Variants in NR3C2 observed in about 807,000 individuals in gnomAD.
The protein encoded by NR3C2 is nuclear receptor subfamily 3 group C member 2, also known as mineralocorticoid receptor.
NR3C2 carries 15 observed loss-of-function variants against 86.4 expected under a neutral mutation model. The ratio of observed to expected loss-of-function variants is 0.17; its 90% CI spans 0.12 to 0.27. The LOEUF is 0.27. NR3C2 is among the 10% of genes least tolerant of loss of function. The pLI is 1.00. For missense variants in NR3C2, 960 were observed against 1,195.6 expected, an observed-to-expected ratio of 0.80 and a Z score of 2.91; for synonymous variants, 458 against 450.5, an observed-to-expected ratio of 1.02 and a Z score of -0.21.
intron 3 of NR3C2, among the ~76,000 whole-genome samples, chr4:148,229,236 G>T (rs150826722): frequency 3.3e-5 from 5 of 152,126 alleles, no homozygotes; most frequent in Non-Finnish European, 7.3e-5. Flanking sequence ...CGAAATTCAC[G>T]CCTTAGGCAC....
intron 3 of NR3C2, among the ~76,000 whole-genome samples, chr4:148,251,482 C>T (rs1303241158): frequency 6.6e-6 from 1 of 152,192 alleles, no homozygotes; most frequent in Non-Finnish European, 1.5e-5. Flanking sequence ...AGCTTCATGT[C>T]CTAGGACTCT....
intron 6 of NR3C2, among the ~76,000 whole-genome samples, chr4:148,127,979 T>TA (rs1254829053): frequency 6.6e-6 from 1 of 152,222 alleles, no homozygotes; most frequent in Non-Finnish European, 1.5e-5. Context: ...CACTTGGGAC[T>TA]AAAGTGAATA....
chr4:148,184,384 G>A (rs888185949), intron 4 of NR3C2, among the ~76,000 whole-genome samples: 10 of 151,768 alleles, frequency 6.6e-5, no homozygotes, highest in East Asian at 1.9e-4. Flanking sequence ...GCTTGAACCC[G>A]GGAGGCGGAG....
chr4:148,363,739 G>A (rs896425178), intron 2 of NR3C2, among the ~76,000 whole-genome samples: 1 of 152,016 alleles, frequency 6.6e-6, no homozygotes, highest in East Asian at 1.9e-4. Flanking sequence ...TCCTGACCTT[G>A]TGATCCACCC....
At chr4:148,376,070 G>C (rs1012531070) in intron 2 of NR3C2, among the ~76,000 whole-genome samples, 1 of 149,084 alleles carries the variant, frequency 6.7e-6, no homozygotes, top group African/African-American at 2.5e-5. Flanking sequence ...AAAGGACATA[G>C]CTCTTTTAAA....
chr4:148,106,588 GCA>G (rs923860388), intron 8 of NR3C2, among the ~76,000 whole-genome samples: 10 of 152,160 alleles, frequency 6.6e-5, no homozygotes, highest in African/African-American at 2.2e-4. Flanking sequence ...AAAGTTGGAG[GCA>G]TTATGCTGCC....
At chr4:148,317,687 G>T (rs1294366579) in intron 2 of NR3C2, among the ~76,000 whole-genome samples, 2 of 152,028 alleles carry the variant, frequency 1.3e-5, no homozygotes, top group Non-Finnish European at 2.9e-5. Context: ...CCTAAATCAT[G>T]TAGGCATTAT....
upstream of NR3C2, chr4:148,444,186 C>T (rs2126678866): frequency 2.0e-6 from 2 of 985,446 alleles, no homozygotes; most frequent in East Asian, 1.1e-4. Context: ...GGCGGCTCCG[C>T]AAGCGTTGCC....
intron 2 of NR3C2, among the ~76,000 whole-genome samples, chr4:148,332,522 T>C (rs927020707): frequency 1.3e-5 from 2 of 152,232 alleles, no homozygotes; most frequent in African/African-American, 4.8e-5. Context: ...GCAATAGTTA[T>C]CTCTGAGAGG....
intron 2 of NR3C2, among the ~76,000 whole-genome samples, chr4:148,343,228 G>A (rs1289081181): frequency 6.6e-6 from 1 of 152,116 alleles, no homozygotes; most frequent in Non-Finnish European, 1.5e-5. Context: ...CTCATGATCA[G>A]GTGTAACTTA....
Position 148,430,086 on chromosome 4 carries a change from A to G in NR3C2, c.1757+5018T>C, listed in dbSNP as rs190549495. ...ACATTCCAAGGACAGAAAAGGTCAG[A>G]CACACCTAGAATTTCAATATTGCAA... On this transcript the variant is annotated intron_variant, in intron 2 of 8. Coordinates refer to ENST00000358102, the MANE Select transcript of NR3C2 (RefSeq NM_000901.5). Among the ~76,000 whole-genome samples, 44 of 152,300 alleles carry G rather than the reference A, an allele frequency of 2.9e-4. 1 individual carries two copies. Among genetic ancestry groups the G allele is most frequent in the South Asian group, 6.2e-4 (3 of 4,834 alleles).
At chr4:148,137,773 A>G (rs1355746860) in intron 6 of NR3C2, among the ~76,000 whole-genome samples, 1 of 152,014 alleles carries the variant, frequency 6.6e-6, no homozygotes, top group East Asian at 1.9e-4. Context: ...GTGAGGCTAA[A>G]TTTTTTTCAT....
At chr4:148,254,871 C>G (rs1310563351) in intron 3 of NR3C2, among the ~76,000 whole-genome samples, 1 of 152,176 alleles carries the variant, frequency 6.6e-6, no homozygotes, top group East Asian at 1.9e-4. Flanking sequence ...ACACCAGGGA[C>G]TGTATCTTAA....
At chr4:148,122,020 G>A (rs1732527144) in intron 6 of NR3C2, among the ~76,000 whole-genome samples, 1 of 118,336 alleles carries the variant, frequency 8.5e-6, no homozygotes. Flanking sequence ...ATTCCAACCA[G>A]CAGAGCATGA....
chr4:148,166,345 G>A (rs1435319618), intron 4 of NR3C2, among the ~76,000 whole-genome samples: 1 of 151,786 alleles, frequency 6.6e-6, no homozygotes. Flanking sequence ...GGGCACTGCC[G>A]AGGACCTGGT....
intron 2 of NR3C2, among the ~76,000 whole-genome samples, chr4:148,413,794 T>C (rs574871782): frequency 3.3e-4 from 50 of 152,116 alleles, no homozygotes; most frequent in Non-Finnish European, 6.2e-4. Flanking sequence ...CTACCCACAA[T>C]ACAAAGCGTA....
chr4:148,201,596 A>T (rs555460120), intron 3 of NR3C2, among the ~76,000 whole-genome samples: 1 of 152,290 alleles, frequency 6.6e-6, no homozygotes, highest in African/African-American at 2.4e-5. Flanking sequence ...TGCTACAGAC[A>T]TCCTCAACTA....
intron 2 of NR3C2, among the ~76,000 whole-genome samples, chr4:148,310,264 C>G (rs1742843158): frequency 6.6e-6 from 1 of 152,140 alleles, no homozygotes; most frequent in Non-Finnish European, 1.5e-5. Flanking sequence ...ACTTTCCCAG[C>G]AAAATCCCAC....
At chr4:148,219,238 A>G (rs942743685) in intron 3 of NR3C2, among the ~76,000 whole-genome samples, 9 of 152,154 alleles carry the variant, frequency 5.9e-5, no homozygotes, top group Admixed American at 2.0e-4. Flanking sequence ...TTTTCATGTG[A>G]TTATTAGCCA....
Sources: gnomAD v4.1 joint callset for allele counts (sites outside exome capture counted in the v4.1 genomes callset) on GRCh38, gnomAD v4.1.1 for gene constraint, MANE v1.5 for transcripts, NCBI Gene and HGNC (gene_info 2026-07-23, HGNC 2026-07-21) for gene names.